METTL15: variants seen among roughly 807,000 people sequenced by gnomAD.
The protein encoded by METTL15 is methyltransferase 15, mitochondrial 12S rRNA N4-cytidine.
In METTL15, 34 loss-of-function variants were observed where a neutral mutation model predicts 38.3. That is an observed-to-expected ratio of 0.89 (90% CI 0.68 to 1.18). The LOEUF is 1.18. METTL15 is among the 50% of genes most tolerant of loss of function. The probability of loss-of-function intolerance (pLI) is 0.00; values close to 1 mark genes in which losing one functional copy is unlikely to be tolerated. For synonymous variants in METTL15, 162 were observed against 170.9 expected (o/e 0.95, Z 0.41); for missense variants, 438 against 498.4 (o/e 0.88, Z 1.15).
intron 5 of METTL15, among the ~76,000 whole-genome samples, chr11:28,378,881 T>C (rs906179700): frequency 9.2e-5 from 14 of 152,018 alleles, no homozygotes; most frequent in South Asian, 2.1e-4. Flanking sequence ...GACTTTTTAT[T>C]ACAACTTTTA....
At chr11:28,530,991 G>GC (rs990857022), downstream of METTL15, among the ~76,000 whole-genome samples, 3 of 150,714 alleles carry the variant, frequency 2.0e-5, no homozygotes, top group Non-Finnish European at 4.4e-5. Context: ...TATAATTCTA[G>GC]TTTTTTTTTA....
At chr11:28,435,803 T>A (rs1850977441) in intron 6 of METTL15, among the ~76,000 whole-genome samples, 1 of 152,218 alleles carries the variant, frequency 6.6e-6, no homozygotes, top group Non-Finnish European at 1.5e-5. Flanking sequence ...CCTGCTAGAC[T>A]TTGCCTGAAT....
At chr11:28,456,256 T>C (rs1297546148) in intron 6 of METTL15, among the ~76,000 whole-genome samples, 1 of 152,068 alleles carries the variant, frequency 6.6e-6, no homozygotes, top group African/African-American at 2.4e-5. Flanking sequence ...GTGATCCTTC[T>C]GTCTCTGCCC....
chr11:28,378,816 A>T (rs1037932427), intron 5 of METTL15, among the ~76,000 whole-genome samples: 2 of 133,960 alleles, frequency 1.5e-5, no homozygotes, highest in African/African-American at 5.3e-5. Flanking sequence ...TCTTCTTTAA[A>T]TATTTAGTAG....
chr11:28,187,479 G>A (rs139220842), intron 3 of METTL15, among the ~76,000 whole-genome samples: 154 of 149,156 alleles, frequency 1.0e-3, no homozygotes, highest in African/African-American at 3.4e-3. Context: ...AGGGGAAAGC[G>A]TATTGGACAG....
At chr11:28,473,260 A>G (rs1393837326) in intron 6 of METTL15, among the ~76,000 whole-genome samples, 2 of 152,164 alleles carry the variant, frequency 1.3e-5, no homozygotes, top group African/African-American at 4.8e-5. Context: ...GAATTTCAGT[A>G]TTCCCAGGAG....
chr11:28,148,071 GC>G (rs1185903214), intron 3 of METTL15, among the ~76,000 whole-genome samples: 1 of 151,702 alleles, frequency 6.6e-6, no homozygotes, highest in Non-Finnish European at 1.5e-5. Flanking sequence ...TCATAGATTG[GC>G]CAGAACCACA....
At chr11:28,291,358 A>T (rs1214534972) in intron 5 of METTL15, among the ~76,000 whole-genome samples, 1 of 152,068 alleles carries the variant, frequency 6.6e-6, no homozygotes, top group South Asian at 2.1e-4. Flanking sequence ...CAATTTCTTT[A>T]TATTAATTGT....
chr11:28,267,994 G>A (rs1855493898), intron 4 of METTL15, among the ~76,000 whole-genome samples: 1 of 151,740 alleles, frequency 6.6e-6, no homozygotes, highest in Admixed American at 6.6e-5. Flanking sequence ...TCAGGAGATC[G>A]AGACCATCCC....
chr11:28,384,142 G>A (rs1447181900), intron 5 of METTL15, among the ~76,000 whole-genome samples: 3 of 152,002 alleles, frequency 2.0e-5, no homozygotes, highest in Non-Finnish European at 1.5e-5. Context: ...ATAAGATATT[G>A]TTCATTTTTA....
At chr11:28,221,056 G>C (rs568816434) in intron 4 of METTL15, among the ~76,000 whole-genome samples, 4 of 152,030 alleles carry the variant, frequency 2.6e-5, no homozygotes, top group African/African-American at 9.7e-5. Context: ...TGCTATTCTC[G>C]TGGAGTATCT....
At chr11:28,167,126 G>A (rs1487562554) in intron 3 of METTL15, among the ~76,000 whole-genome samples, 3 of 152,098 alleles carry the variant, frequency 2.0e-5, no homozygotes, top group Non-Finnish European at 4.4e-5. Flanking sequence ...GGAGCTTTCA[G>A]GAACTTTGAG....
intron 3 of METTL15, among the ~76,000 whole-genome samples, chr11:28,169,241 A>G (rs1033981135): frequency 6.6e-6 from 1 of 152,166 alleles, no homozygotes; most frequent in African/African-American, 2.4e-5. Flanking sequence ...AAAAAACTAG[A>G]TAGGGTTATT....
Position 28,366,297 on chromosome 11 carries a change from T to C in METTL15, c.*358+4261T>C, listed in dbSNP as rs944225543. Among the ~76,000 whole-genome samples, 6 of 152,084 alleles carry C rather than the reference T, an allele frequency of 3.9e-5. No homozygotes were observed. In the East Asian group the frequency reaches 9.7e-4, roughly 25 times the overall value. On this transcript the variant is annotated intron_variant and NMD_transcript_variant, in intron 5 of 7. Coordinates refer to the METTL15 transcript ENST00000532947. ...CCTTGAATCCATATGGCAGAAGAGCTTGTGGATGTTAATACAGAAGCAGAC... is the reference window on the plus strand; with the variant it reads ...CCTTGAATCCATATGGCAGAAGAGCCTGTGGATGTTAATACAGAAGCAGAC...
intron 5 of METTL15, among the ~76,000 whole-genome samples, chr11:28,409,836 A>C (rs1214314110): frequency 6.6e-6 from 1 of 152,102 alleles, no homozygotes; most frequent in East Asian, 1.9e-4. Flanking sequence ...AATTAACAAA[A>C]CCAAGAGTTG....
At chr11:28,426,867 A>C (rs1402161462) in intron 6 of METTL15, among the ~76,000 whole-genome samples, 1 of 151,650 alleles carries the variant, frequency 6.6e-6, no homozygotes, top group Non-Finnish European at 1.5e-5. Flanking sequence ...AGATTGCAAA[A>C]ATTTTTTCTC....
intron 2 of METTL15, among the ~76,000 whole-genome samples, chr11:28,113,038 C>A (rs1048113903): frequency 2.6e-5 from 4 of 152,112 alleles, no homozygotes; most frequent in Non-Finnish European, 5.9e-5. Context: ...AATCAATTTT[C>A]ATATCCCTAA....
intron 3 of METTL15, among the ~76,000 whole-genome samples, chr11:28,131,562 A>T (rs1321702963): frequency 7.6e-6 from 1 of 131,694 alleles, no homozygotes; most frequent in Non-Finnish European, 1.6e-5. Context: ...GATATTTCTC[A>T]GGTAAATGTT....
chr11:28,418,123 G>GTCTTTGATACTGCCAGCTGTCAC (rs1850789055), intron 5 of METTL15, among the ~76,000 whole-genome samples: 2 of 152,100 alleles, frequency 1.3e-5, no homozygotes, highest in African/African-American at 2.4e-5. Flanking sequence ...CCAGCTGTCA[G>GTCTTTGATACTGCCAGCTGTCAC]TCTTTGATAC....
Sources: gnomAD v4.1 joint callset for allele counts (sites outside exome capture counted in the v4.1 genomes callset) on GRCh38, gnomAD v4.1.1 for gene constraint, MANE v1.5 for transcripts, NCBI Gene and HGNC (gene_info 2026-07-23, HGNC 2026-07-21) for gene names.